BPGM: variants seen among roughly 807,000 people sequenced by gnomAD.
BPGM encodes bisphosphoglycerate mutase.
A neutral mutation model predicts 21.6 loss-of-function variants in BPGM; 15 were observed. The ratio of observed to expected loss-of-function variants is 0.70; its 90% confidence interval spans 0.47 to 1.07. BPGM has a LOEUF of 1.07. BPGM is among the 50% of genes least tolerant of loss of function. The pLI is 0.00. For missense variants in BPGM, 273 were observed against 319.0 expected (o/e 0.86, Z 1.10); for synonymous variants, 113 against 116.2 (o/e 0.97, Z 0.18).
At chr7:134,676,168 T>C (rs2131464558) in intron 2 of BPGM, among the ~76,000 whole-genome samples, 1 of 152,362 alleles carries the variant, frequency 6.6e-6, no homozygotes, top group East Asian at 1.9e-4. Flanking sequence ...TTTATTTCAT[T>C]GTCTTGCCTA....
chr7:134,663,053 T>C (rs1795761497), intron 2 of BPGM, among the ~76,000 whole-genome samples: 1 of 152,218 alleles, frequency 6.6e-6, no homozygotes, highest in South Asian at 2.1e-4. Flanking sequence ...TTTCCTGCCT[T>C]TCATCACTGT....
At chr7:134,663,757 A>T (rs1795773054) in intron 2 of BPGM, among the ~76,000 whole-genome samples, 2 of 152,110 alleles carry the variant, frequency 1.3e-5, no homozygotes, top group Admixed American at 1.3e-4. Context: ...CCCCCTTTTA[A>T]AAAAGTTTCC....
chr7:134,649,637 T>G (rs144848060), intron 1 of BPGM, among the ~76,000 whole-genome samples: 38 of 152,332 alleles, frequency 2.5e-4, no homozygotes, highest in African/African-American at 8.9e-4. Flanking sequence ...CTGCTGAAAC[T>G]TAGCCACAAA....
chr7:134,654,145 C>CACACAT (rs398111915), intron 1 of BPGM, among the ~76,000 whole-genome samples: 4 of 97,390 alleles, frequency 4.1e-5, no homozygotes, highest in African/African-American at 2.0e-4. Context: ...CACACACACA[C>CACACAT]GTACTGAAGA....
At chr7:134,651,920 A>G (rs1452135558) in intron 1 of BPGM, among the ~76,000 whole-genome samples, 1 of 152,210 alleles carries the variant, frequency 6.6e-6, no homozygotes, top group East Asian at 1.9e-4. Context: ...GCACTATGGG[A>G]TAATTTATGA....
At chr7:134,653,072 C>T (rs1005529395) in intron 1 of BPGM, among the ~76,000 whole-genome samples, 6 of 152,012 alleles carry the variant, frequency 3.9e-5, no homozygotes, top group East Asian at 3.9e-4. Flanking sequence ...ACATGTAAAA[C>T]GGTTGAAATA....
intron 2 of BPGM, among the ~76,000 whole-genome samples, chr7:134,674,764 C>G (rs1292451134): frequency 6.6e-6 from 1 of 152,160 alleles, no homozygotes; most frequent in Non-Finnish European, 1.5e-5. Context: ...TTTCACTTCT[C>G]TTGGGTATAT....
At chr7:134,667,897 T>C (rs1695117406) in intron 2 of BPGM, among the ~76,000 whole-genome samples, 1 of 152,114 alleles carries the variant, frequency 6.6e-6, no homozygotes, top group African/African-American at 2.4e-5. Context: ...ATCAGAAAAA[T>C]ACTTTCTTAT....
intron 2 of BPGM, 39 bp from the exon 3 acceptor site, chr7:134,678,814 G>T: frequency 1.3e-6 from 2 of 1,572,314 alleles, no homozygotes; most frequent in Non-Finnish European, 1.8e-6. Flanking sequence ...CTCCTGAGTT[G>T]TGTTTTAACA....
intron 2 of BPGM, among the ~76,000 whole-genome samples, chr7:134,669,158 A>C (rs1198288880): frequency 1.3e-5 from 2 of 152,202 alleles, no homozygotes; most frequent in Non-Finnish European, 2.9e-5. Flanking sequence ...AATTAGGAGA[A>C]TTAAGTGAAG....
intron 1 of BPGM, among the ~76,000 whole-genome samples, chr7:134,657,622 T>G (rs1388461911): frequency 6.6e-6 from 1 of 152,106 alleles, no homozygotes; most frequent in Non-Finnish European, 1.5e-5. Context: ...CCCTAGGGTA[T>G]GAGGCATGAG....
chr7:134,660,950 T>C (rs1028869783), intron 1 of BPGM, among the ~76,000 whole-genome samples: 2 of 152,192 alleles, frequency 1.3e-5, no homozygotes, highest in African/African-American at 4.8e-5. Context: ...CAGTGGTGCA[T>C]TGAAATAACA....
chr7:134,670,114 A>G (rs1795881611), intron 2 of BPGM, among the ~76,000 whole-genome samples: 1 of 152,212 alleles, frequency 6.6e-6, no homozygotes, highest in Non-Finnish European at 1.5e-5. Flanking sequence ...ATCTTGCCAG[A>G]GGAAATGGAT....
chr7:134,661,580 T>C lies in BPGM; in HGVS notation c.73T>C (p.Trp25Arg). The C allele has an allele frequency of 1.9e-6, 3 of 1,614,160 alleles. No homozygotes were observed. The highest frequency in any genetic ancestry group is 2.5e-6 in the Non-Finnish European group (3 of 1,180,026). ...AWNKENRFCSWVDQKLNSEGM... is the reference protein window; with the variant it reads ...AWNKENRFCSRVDQKLNSEGM... ...GAATAAGGAGAACCGTTTTTGTAGC[T>C]GGGTGGATCAGAAACTCAACAGCGA... is the stretch of plus-strand genomic sequence containing the variant. The change falls in exon 2 of 3, where the codon TGG becomes CGG. Residue 25 changes from tryptophan to arginine, a missense_variant. Trp to Arg is a moderately radical substitution (Grantham distance 101). Coordinates refer to ENST00000344924, the MANE Select transcript of BPGM (RefSeq NM_001724.5). The surrounding 1 kb of genome is among the most constrained non-coding windows in gnomAD (Gnocchi z 4.6).
At chr7:134,667,126 C>A (rs4732047) in intron 2 of BPGM, among the ~76,000 whole-genome samples, 73,056 of 151,940 alleles carry the variant, frequency 0.48, 17,771 homozygotes, top group East Asian at 0.69. Context: ...TAGATGCTAA[C>A]TTTTCAAGAC....
rs994226907 is a variant in BPGM, at chr7:134,673,996, T to C, written c.602-4857T>C. 2.1e-5 allele frequency among the ~76,000 whole-genome samples: 3 copies of C among 140,538 alleles called. No homozygotes were observed. The Admixed American group carries it at 2.2e-4, about 10-fold the overall frequency. 92.2% of individuals were successfully genotyped at this position (140,538 alleles called of 152,430 possible). A position where few individuals can be genotyped will look rare whatever the true frequency, so the allele number is the denominator to read the frequency against. The stretch of plus-strand genomic sequence containing the variant: ...GGCACAATCTCGGTTCACTGCAACC[T>C]CCACCTCCCAGGATCAAGCAATTCT... On this transcript the variant is annotated intron_variant, in intron 2 of 2. Coordinates refer to ENST00000344924, the MANE Select transcript of BPGM (RefSeq NM_001724.5).
chr7:134,655,463 G>T (rs777435456), intron 1 of BPGM, among the ~76,000 whole-genome samples: 1 of 152,136 alleles, frequency 6.6e-6, no homozygotes, highest in African/African-American at 2.4e-5. Context: ...CCAGTGGGGG[G>T]TTGAAGGCAG....
chr7:134,674,127 G>A (rs1228725993), intron 2 of BPGM, among the ~76,000 whole-genome samples: 1 of 151,922 alleles, frequency 6.6e-6, no homozygotes, highest in African/African-American at 2.4e-5. Context: ...TGCCCAGGCT[G>A]GTCTTGAACT....
chr7:134,679,028 AT>A lies in BPGM; in HGVS notation c.778del (p.Ter260SerfsTer23), dbSNP rs745431573. ...DQGKVKQAKK[*>X] ...AAGGAAAAGTGAAACAAGCTAAAAA[AT>A]AGTCTTTCTCAACTGTTGGCTAAGA... On this transcript the variant is annotated frameshift_variant and stop_lost, in exon 3 of 3. Coordinates refer to ENST00000344924, the MANE Select transcript of BPGM (RefSeq NM_001724.5). LOFTEE classifies it high-confidence loss of function. 1.9e-6 allele frequency: 3 copies of A among 1,614,034 alleles called. No homozygotes were observed. The highest frequency in any genetic ancestry group is 1.3e-5 in the African/African-American group (1 of 74,938).
Sources: allele counts gnomAD v4.1 joint callset (sites outside exome capture counted in the v4.1 genomes callset), GRCh38; gene constraint gnomAD v4.1.1; non-coding constraint Gnocchi (gnomAD v3.1); transcripts MANE v1.5; gene names NCBI Gene and HGNC (gene_info 2026-07-23, HGNC 2026-07-21).